Variants in CCSER1 observed in about 807,000 individuals in gnomAD.
CCSER1 encodes the protein coiled-coil serine rich protein 1.
A neutral mutation model predicts 82.0 loss-of-function variants in CCSER1; 41 were observed. That is an observed-to-expected ratio of 0.50 (90% CI 0.39 to 0.65). The LOEUF (loss-of-function observed/expected upper bound fraction) is 0.65. CCSER1 is among the 30% of genes least tolerant of loss of function. CCSER1 has a pLI of 0.00. For missense variants in CCSER1, 1,119 were observed against 1,064.2 expected (o/e 1.05, Z -0.72); for synonymous variants, 414 against 383.9 (o/e 1.08, Z -0.92).
intron 8 of CCSER1, among the ~76,000 whole-genome samples, chr4:90,922,586 A>G (rs1728539527): frequency 6.6e-6 from 1 of 152,092 alleles, no homozygotes; most frequent in African/African-American, 2.4e-5. Flanking sequence ...TAAACTTCCT[A>G]AATTGTATTG....
At chr4:90,364,535 T>C (rs555534429) in intron 3 of CCSER1, among the ~76,000 whole-genome samples, 12 of 152,146 alleles carry the variant, frequency 7.9e-5, no homozygotes, top group African/African-American at 2.9e-4. Flanking sequence ...AAATATATAT[T>C]TATCAAAAAT....
chr4:91,267,950 T>A (rs946439601), intron 10 of CCSER1, among the ~76,000 whole-genome samples: 4 of 152,336 alleles, frequency 2.6e-5, no homozygotes, highest in African/African-American at 9.6e-5. Flanking sequence ...CTGTGTTTCT[T>A]ACTGAAGTAC....
At chr4:90,829,406 T>C (rs1376901159) in intron 8 of CCSER1, among the ~76,000 whole-genome samples, 1 of 152,140 alleles carries the variant, frequency 6.6e-6, no homozygotes, top group Non-Finnish European at 1.5e-5. Context: ...AAAAAACAGC[T>C]ACGCTAAAAC....
Position 90,258,040 on chromosome 4 carries a change from C to T in CCSER1, c.-41-50204C>T, listed in dbSNP as rs182086781. Reference sequence around the variant, plus strand: ...AGTCAAGTTGACACATAAAATTAACCGCCACACTGTTCAGTTTTCCTAGCT... The same window carrying T: ...AGTCAAGTTGACACATAAAATTAACTGCCACACTGTTCAGTTTTCCTAGCT... On this transcript the variant is annotated intron_variant, in intron 1 of 10. Coordinates refer to ENST00000509176, the MANE Select transcript of CCSER1 (RefSeq NM_001145065.2). Among the ~76,000 whole-genome samples the T allele has an allele frequency of 9.8e-3, 1,489 of 152,210 alleles. 18 individuals are homozygous for T. Among genetic ancestry groups the T allele is most frequent in the South Asian group, 0.049 (236 of 4,814 alleles).
At chr4:90,966,800 A>G (rs1204437476) in intron 9 of CCSER1, among the ~76,000 whole-genome samples, 1 of 152,160 alleles carries the variant, frequency 6.6e-6, no homozygotes, top group Admixed American at 6.5e-5. Flanking sequence ...AATAGGCTTA[A>G]TATTGTTAAG....
chr4:90,341,194 A>G (rs927630049), intron 3 of CCSER1, among the ~76,000 whole-genome samples: 3 of 152,082 alleles, frequency 2.0e-5, no homozygotes, highest in African/African-American at 7.2e-5. Flanking sequence ...TCATAGATAA[A>G]TTTTTAACAG....
At chr4:90,779,884 A>G (rs1753511868) in intron 7 of CCSER1, among the ~76,000 whole-genome samples, 1 of 152,240 alleles carries the variant, frequency 6.6e-6, no homozygotes, top group African/African-American at 2.4e-5. Flanking sequence ...ACAACTCTGA[A>G]GAATCAAATC....
chr4:90,753,339 A>G (rs1452822288), intron 7 of CCSER1, among the ~76,000 whole-genome samples: 1 of 152,126 alleles, frequency 6.6e-6, no homozygotes, highest in East Asian at 1.9e-4. Flanking sequence ...CTTTCCCCTC[A>G]TTTGCTTCTC....
chr4:91,300,202 A>G (rs1744559358), intron 10 of CCSER1, among the ~76,000 whole-genome samples: 1 of 151,956 alleles, frequency 6.6e-6, no homozygotes, highest in African/African-American at 2.4e-5. Context: ...ATATGATCAC[A>G]TATATGAACT....
chr4:91,322,663 A>G (rs1239615929), intron 10 of CCSER1, among the ~76,000 whole-genome samples: 4 of 152,142 alleles, frequency 2.6e-5, no homozygotes, highest in African/African-American at 9.6e-5. Flanking sequence ...AACATTTAAA[A>G]GTTTCTGCTG....
chr4:90,354,086 A>T (rs1018572676), intron 3 of CCSER1, among the ~76,000 whole-genome samples: 1 of 152,206 alleles, frequency 6.6e-6, no homozygotes, highest in Non-Finnish European at 1.5e-5. Context: ...TATGTGGTAT[A>T]TATTAATGTA....
chr4:91,398,480 A>C (rs557977704), intron 10 of CCSER1, among the ~76,000 whole-genome samples: 101 of 152,050 alleles, frequency 6.6e-4, no homozygotes, highest in African/African-American at 2.3e-3. Flanking sequence ...ATCCACAAGC[A>C]ATGGTGATGG....
intron 10 of CCSER1, among the ~76,000 whole-genome samples, chr4:91,452,716 A>T (rs1189162790): frequency 1.3e-5 from 2 of 152,076 alleles, no homozygotes; most frequent in Non-Finnish European, 2.9e-5. Context: ...AGCAAGTTCA[A>T]TGTTTGACCT....
At chr4:90,428,220 A>C (rs971286187) in intron 4 of CCSER1, among the ~76,000 whole-genome samples, 1 of 151,870 alleles carries the variant, frequency 6.6e-6, no homozygotes, top group African/African-American at 2.4e-5. Flanking sequence ...CTTCTACATT[A>C]CCATCTTTCC....
At chr4:91,576,000 G>T (rs1283039905) in intron 10 of CCSER1, among the ~76,000 whole-genome samples, 1 of 151,764 alleles carries the variant, frequency 6.6e-6, no homozygotes. Context: ...CCCACTTCTG[G>T]ATATATACCC....
chr4:91,096,432 G>T (rs890920830), intron 10 of CCSER1, among the ~76,000 whole-genome samples: 1 of 152,158 alleles, frequency 6.6e-6, no homozygotes, highest in Non-Finnish European at 1.5e-5. Context: ...TTAACTAACT[G>T]TCCCTTTGCT....
intron 4 of CCSER1, among the ~76,000 whole-genome samples, chr4:90,419,878 C>T (rs1756420917): frequency 1.3e-5 from 2 of 151,836 alleles, no homozygotes; most frequent in Non-Finnish European, 2.9e-5. Flanking sequence ...CAGGAAGTGT[C>T]ATTTTATAAT....
At chr4:90,911,308 T>C (rs1411242892) in intron 8 of CCSER1, 2 of 456,296 alleles carry the variant, frequency 4.4e-6, no homozygotes, top group Non-Finnish European at 4.4e-6. Context: ...TGGCTGTGTT[T>C]CTTGAAGATT....
intron 3 of CCSER1, among the ~76,000 whole-genome samples, chr4:90,386,990 T>C (rs1294961515): frequency 2.0e-5 from 3 of 152,196 alleles, no homozygotes; most frequent in Non-Finnish European, 4.4e-5. Flanking sequence ...AAACTTTTCT[T>C]TCTTGTTCAT....
Sources: gnomAD v4.1 joint callset for allele counts (sites outside exome capture counted in the v4.1 genomes callset) on GRCh38, gnomAD v4.1.1 for gene constraint, MANE v1.5 for transcripts, NCBI Gene and HGNC (gene_info 2026-07-23, HGNC 2026-07-21) for gene names.